DOK6: variants seen among roughly 807,000 people sequenced by gnomAD.
DOK6 encodes docking protein 6.
Under a neutral mutation model 44.0 loss-of-function variants are expected in DOK6, and 22 were observed. The observed-to-expected ratio is 0.50, with a 90% confidence interval of 0.36 to 0.71. The LOEUF is 0.71. Among genes scored for constraint, DOK6 ranks in the 30% least tolerant of loss-of-function variants. DOK6 has a pLI of 0.00. For synonymous variants in DOK6, 166 were observed against 145.5 expected (o/e 1.14, Z -1.01); for missense variants, 340 against 416.4 (o/e 0.82, Z 1.60).
At chr18:69,469,681 G>T in intron 1 of DOK6, 1 of 255,584 alleles carries the variant, frequency 3.9e-6, no homozygotes, top group South Asian at 3.8e-5. Flanking sequence ...CCGCCCCGGA[G>T]ATACGCTGCT....
intron 2 of DOK6, among the ~76,000 whole-genome samples, chr18:69,565,199 T>C (rs1391447715): frequency 6.6e-6 from 1 of 152,182 alleles, no homozygotes; most frequent in East Asian, 1.9e-4. Flanking sequence ...AAAGGATTCA[T>C]GATCAAAACT....
intron 7 of DOK6, among the ~76,000 whole-genome samples, chr18:69,812,812 A>C (rs1981281437): frequency 6.6e-6 from 1 of 152,100 alleles, no homozygotes; most frequent in East Asian, 1.9e-4. Context: ...GGGCAGCAGG[A>C]AGGAGAAGTG....
At chr18:69,581,750 G>T (rs1375666330) in intron 2 of DOK6, among the ~76,000 whole-genome samples, 1 of 152,166 alleles carries the variant, frequency 6.6e-6, no homozygotes, top group African/African-American at 2.4e-5. Context: ...CTACAGATAG[G>T]GAGGTACATT....
chr18:69,825,578 T>C (rs1335921327), intron 7 of DOK6, among the ~76,000 whole-genome samples: 10 of 151,694 alleles, frequency 6.6e-5, no homozygotes, highest in Non-Finnish European at 1.5e-4. Context: ...GGACTACAGG[T>C]GCCCACCACC....
At chr18:69,580,507 T>C (rs1983342135) in intron 2 of DOK6, among the ~76,000 whole-genome samples, 1 of 152,202 alleles carries the variant, frequency 6.6e-6, no homozygotes, top group Non-Finnish European at 1.5e-5. Flanking sequence ...AATCTTTCTT[T>C]CATTTTCCTT....
intron 5 of DOK6, among the ~76,000 whole-genome samples, chr18:69,734,946 G>C (rs769084326): frequency 3.9e-5 from 6 of 152,130 alleles, no homozygotes; most frequent in Non-Finnish European, 8.8e-5. Flanking sequence ...AAAAGAGGGC[G>C]TGGTCTAGTA....
chr18:69,687,846 T>A (rs1443429829), intron 4 of DOK6, among the ~76,000 whole-genome samples: 3 of 152,056 alleles, frequency 2.0e-5, no homozygotes, highest in Non-Finnish European at 4.4e-5. Context: ...CTAATCAAAC[T>A]TTTTACTGAA....
At chr18:69,619,702 T>C (rs141241575) in intron 3 of DOK6, among the ~76,000 whole-genome samples, 24 of 152,228 alleles carry the variant, frequency 1.6e-4, no homozygotes, top group African/African-American at 5.5e-4. Context: ...TTGCATCAAT[T>C]AAAACTGATG....
intron 5 of DOK6, among the ~76,000 whole-genome samples, chr18:69,715,928 C>T (rs1419572239): frequency 6.6e-6 from 1 of 152,190 alleles, no homozygotes; most frequent in Non-Finnish European, 1.5e-5. Flanking sequence ...TATATCACTA[C>T]TCTATGAAGA....
chr18:69,543,699 C>T (rs1982328233), intron 1 of DOK6, among the ~76,000 whole-genome samples: 1 of 151,406 alleles, frequency 6.6e-6, no homozygotes, highest in Non-Finnish European at 1.5e-5. Flanking sequence ...ATCTCCGTTA[C>T]TACCTTTTAA....
chr18:69,640,075 T>C (rs949837492), intron 3 of DOK6, among the ~76,000 whole-genome samples: 2 of 152,176 alleles, frequency 1.3e-5, no homozygotes, highest in Non-Finnish European at 2.9e-5. Context: ...TTTTATTGCA[T>C]ACACAAATGT....
rs182334249 is a variant in DOK6, at chr18:69,745,533, G to A, written c.738+6430G>A. On this transcript the variant is annotated intron_variant, in intron 6 of 7. Coordinates refer to ENST00000382713, the MANE Select transcript of DOK6 (RefSeq NM_152721.6). ...AGTTGATATAAGCATTGCCTGGGAG[G>A]ATAATGAAGGCCACATCCAGTGAAT... Among the ~76,000 whole-genome samples, 463 of 152,302 alleles carry A rather than the reference G, an allele frequency of 3.0e-3. 3 individuals carry two copies. Among genetic ancestry groups the A allele is most frequent in the Non-Finnish European group, 5.3e-3 (358 of 68,024 alleles).
At chr18:69,492,979 T>G (rs896774966) in intron 1 of DOK6, among the ~76,000 whole-genome samples, 1 of 152,024 alleles carries the variant, frequency 6.6e-6, no homozygotes, top group African/African-American at 2.4e-5. Flanking sequence ...TGCCTTATAT[T>G]TAAGAATCTT....
In DOK6 at chr18:69,519,040, A is replaced by G. The variant is rs113043409; in HGVS notation, c.67-45447A>G. Among the ~76,000 whole-genome samples, 460 of 152,226 alleles carry G rather than the reference A, an allele frequency of 3.0e-3. 1 individual carries two copies. Among genetic ancestry groups the G allele is most frequent in the African/African-American group, 0.01 (434 of 41,566 alleles). ...ATGTCAATTGCAAGAGGAAATGAAG[A>G]AAATTACCAACAGCATATTGTAGTT... On this transcript the variant is annotated intron_variant, in intron 1 of 7. Transcript: ENST00000382713.
intron 3 of DOK6, among the ~76,000 whole-genome samples, chr18:69,668,857 A>G (rs1281926013): frequency 3.9e-5 from 6 of 152,190 alleles, no homozygotes; most frequent in Non-Finnish European, 7.3e-5. Context: ...TGACTACTCA[A>G]TAGTTAACAG....
At chr18:69,669,971 G>A (rs1032736562) in intron 3 of DOK6, among the ~76,000 whole-genome samples, 2 of 152,116 alleles carry the variant, frequency 1.3e-5, no homozygotes, top group African/African-American at 4.8e-5. Context: ...ACACACAGTA[G>A]CAGAAAGCAC....
intron 1 of DOK6, among the ~76,000 whole-genome samples, chr18:69,437,760 C>T (rs994159546): frequency 1.3e-5 from 2 of 152,062 alleles, no homozygotes; most frequent in African/African-American, 2.4e-5. Flanking sequence ...TGGATTTTAT[C>T]ATATCTTGGA....
At chr18:69,830,141 G>A (rs886511792) in intron 7 of DOK6, among the ~76,000 whole-genome samples, 5 of 152,016 alleles carry the variant, frequency 3.3e-5, no homozygotes, top group African/African-American at 1.2e-4. Context: ...ACTAAATTAT[G>A]TACATTAATT....
At chr18:69,499,004 A>T (rs1295860871) in intron 1 of DOK6, among the ~76,000 whole-genome samples, 2 of 152,172 alleles carry the variant, frequency 1.3e-5, no homozygotes, top group African/African-American at 2.4e-5. Flanking sequence ...AACTATAGAG[A>T]TTCTCAACTG....
Sources: gnomAD v4.1 joint callset for allele counts (sites outside exome capture counted in the v4.1 genomes callset) on GRCh38, gnomAD v4.1.1 for gene constraint, MANE v1.5 for transcripts, NCBI Gene and HGNC (gene_info 2026-07-23, HGNC 2026-07-21) for gene names.